The following SLC37A3 variants were observed in gnomAD, a reference collection of about 807,000 sequenced individuals.
SLC37A3 encodes solute carrier family 37 member 3, also known as sugar phosphate exchanger 3.
In SLC37A3, 51 loss-of-function variants were observed where a neutral mutation model predicts 67.1. The observed-to-expected ratio is 0.76, with a 90% confidence interval of 0.61 to 0.96. The LOEUF (loss-of-function observed/expected upper bound fraction) is 0.96, where lower values mean the gene tolerates loss of function less well. SLC37A3 is among the 40% of genes least tolerant of loss of function. SLC37A3 has a pLI of 0.00. For missense variants in SLC37A3, 508 were observed against 603.0 expected (o/e 0.84, Z 1.65); for synonymous variants, 214 against 231.4 (o/e 0.92, Z 0.68).
chr7:140,365,918 GCT>G (rs1797579259), intron 4 of SLC37A3, among the ~76,000 whole-genome samples: 1 of 77,234 alleles, frequency 1.3e-5, no homozygotes, highest in Non-Finnish European at 2.4e-5. Context: ...AACAATACAT[GCT>G]TTTTTTTTTT....
chr7:140,398,235 C>T (rs1002657552), intron 1 of SLC37A3, among the ~76,000 whole-genome samples, 181 bp downstream of exon 1: 1 of 152,272 alleles, frequency 6.6e-6, no homozygotes, highest in Non-Finnish European at 1.5e-5. Flanking sequence ...ACGGCCGGGA[C>T]CCCAGGCCCG....
Position 140,345,828 on chromosome 7 carries a change from T to A in SLC37A3, c.1126+41A>T. 3 of 1,478,010 alleles carry A rather than the reference T, an allele frequency of 2.0e-6. No homozygotes were observed. The East Asian group carries it at 6.8e-5, about 33-fold the overall frequency. 91.6% of individuals were successfully genotyped at this position (1,478,010 alleles called of 1,614,324 possible). ...AACAAATGCCTTATTCCAACCAGAT[T>A]AGGGGAGCAAAGGAATTAGTAATTG... On this transcript the variant is annotated intron_variant, in intron 11 of 14. Transcript: ENST00000326232.
chr7:140,350,109 C>A (rs949159015), intron 9 of SLC37A3, among the ~76,000 whole-genome samples: 6 of 152,192 alleles, frequency 3.9e-5, no homozygotes, highest in African/African-American at 1.2e-4. Context: ...GGATCACATT[C>A]ATAAAGCACC....
At chr7:140,347,438 G>C (rs1266314626) in intron 10 of SLC37A3, among the ~76,000 whole-genome samples, 1 of 152,146 alleles carries the variant, frequency 6.6e-6, no homozygotes, top group Non-Finnish European at 1.5e-5. Flanking sequence ...TTATCAGATA[G>C]CAGGCAGCTG....
intron 7 of SLC37A3, among the ~76,000 whole-genome samples, chr7:140,353,768 A>T (rs74653110): frequency 0.1 from 15,237 of 151,522 alleles, 829 homozygotes; most frequent in South Asian, 0.19. Flanking sequence ...GCTGGAGTGC[A>T]ATGGCATGAT....
intron 7 of SLC37A3, 112 bp downstream of exon 7, chr7:140,355,556 C>T: frequency 1.0e-6 from 1 of 981,464 alleles, no homozygotes; most frequent in South Asian, 1.5e-5. Flanking sequence ...CCTATCCAGA[C>T]ACAGTTCTAC....
chr7:140,337,386 T>C (rs1238812455), intron 13 of SLC37A3, 37 bp from the exon 14 acceptor site: 4 of 1,486,974 alleles, frequency 2.7e-6, no homozygotes, highest in Non-Finnish European at 3.6e-6. Context: ...ATATAATTCT[T>C]TATAATTCAT....
Position 140,382,204 on chromosome 7 carries a change from G to C in SLC37A3, c.89+234C>G, listed in dbSNP as rs73735238. On this transcript the variant is annotated intron_variant, in intron 2 of 14. Transcript: ENST00000326232. ...CCCTGGTCTCCACCACTAACTACAAGTAGCATTCCTCTCCCCTCATGACCA... is the reference window on the plus strand; with the variant it reads ...CCCTGGTCTCCACCACTAACTACAACTAGCATTCCTCTCCCCTCATGACCA... Among the ~76,000 whole-genome samples the C allele has an allele frequency of 2.5e-3, 387 of 152,072 alleles. 1 individual carries two copies. Among genetic ancestry groups the C allele is most frequent in the African/African-American group, 8.8e-3 (366 of 41,464 alleles).
chr7:140,349,949 A>T (rs1443947980), intron 9 of SLC37A3, among the ~76,000 whole-genome samples: 1 of 152,254 alleles, frequency 6.6e-6, no homozygotes, highest in Non-Finnish European at 1.5e-5. Flanking sequence ...CTTATATCAT[A>T]TATCATCACT....
Position 140,348,615 on chromosome 7 carries a change from C to A in SLC37A3, c.1024+11G>T. The A allele has an allele frequency of 6.3e-7, 1 of 1,595,872 alleles. No homozygotes were observed. Among genetic ancestry groups the A allele is most frequent in the South Asian group, 1.1e-5 (1 of 88,218 alleles). ...ACTCTTTATTATGGAAAAGATGTAT[C>A]ACCGGCATACCTATGATCCCTCCAA... On this transcript the variant is annotated intron_variant, in intron 10 of 14. Transcript: ENST00000326232.
At chr7:140,394,621 G>GA (rs563640910) in intron 1 of SLC37A3, among the ~76,000 whole-genome samples, 14 of 128,098 alleles carry the variant, frequency 1.1e-4, no homozygotes, top group Admixed American at 3.8e-4. Context: ...GACTCCATCT[G>GA]AAAAAAAAAC....
At chr7:140,386,793 C>T (rs764642264) in intron 1 of SLC37A3, 1 of 151,944 alleles carries the variant, frequency 6.6e-6, no homozygotes, top group African/African-American at 2.4e-5. Flanking sequence ...CCTACAGCAC[C>T]CGGTATTCCC....
At chr7:140,379,487 A>G (rs1798163906) in intron 3 of SLC37A3, 1 of 152,096 alleles carries the variant, frequency 6.6e-6, no homozygotes, top group Admixed American at 6.6e-5. Context: ...GAAAAAAAAA[A>G]AAAAAGAAAC....
intron 10 of SLC37A3, among the ~76,000 whole-genome samples, chr7:140,347,145 C>T (rs1478737219): frequency 6.8e-6 from 1 of 147,354 alleles, no homozygotes; most frequent in Non-Finnish European, 1.5e-5. Flanking sequence ...TGACTGTAGC[C>T]CCAGGTACTT....
intron 6 of SLC37A3, 112 bp from the exon 7 acceptor site, chr7:140,355,876 A>G (rs1797006050): frequency 1.2e-6 from 1 of 845,890 alleles, no homozygotes; most frequent in Non-Finnish European, 1.9e-6. Context: ...AAGACTAAAC[A>G]TGCTATTTAA....
Position 140,365,919 on chromosome 7 carries a change from C to CTTTTTTTTTTTTTTTTT in SLC37A3, c.292-1445_292-1429dup, listed in dbSNP as rs71170981. ...GCTTCAGATGACAGAACAATACATG[C>CTTTTTTTTTTTTTTTTT]TTTTTTTTTTTTTTTTTTTTTTTTT... On this transcript the variant is annotated intron_variant, in intron 4 of 14. Coordinates refer to ENST00000326232, the MANE Select transcript of SLC37A3 (RefSeq NM_207113.3). 4.6e-5 allele frequency among the ~76,000 whole-genome samples: 2 copies of CTTTTTTTTTTTTTTTTT among 43,876 alleles called. 1 individual carries two copies. The highest frequency in any genetic ancestry group is 7.7e-5 in the Non-Finnish European group (2 of 26,040). 28.8% of individuals were successfully genotyped at this position (43,876 alleles called of 152,430 possible).
intron 8 of SLC37A3, chr7:140,351,654 T>G (rs1796807288): frequency 5.1e-6 from 3 of 585,006 alleles, no homozygotes; most frequent in Non-Finnish European, 9.0e-6. Flanking sequence ...GAATTGTACA[T>G]CTGTTTGCTT....
At chr7:140,395,106 A>G (rs891395273) in intron 1 of SLC37A3, among the ~76,000 whole-genome samples, 3 of 152,030 alleles carry the variant, frequency 2.0e-5, no homozygotes, top group South Asian at 4.2e-4. Flanking sequence ...AGCCGGGCAC[A>G]GTGGCTCATG....
intron 3 of SLC37A3, among the ~76,000 whole-genome samples, chr7:140,374,132 T>C (rs1282777299): frequency 6.6e-6 from 1 of 152,186 alleles, no homozygotes; most frequent in Admixed American, 6.5e-5. Flanking sequence ...ATCCTTGAAC[T>C]AAATCATTTC....
Sources: allele counts gnomAD v4.1 joint callset (sites outside exome capture counted in the v4.1 genomes callset), GRCh38; gene constraint gnomAD v4.1.1; transcripts MANE v1.5; gene names NCBI Gene and HGNC (gene_info 2026-07-23, HGNC 2026-07-21).